The following TPPP variants were observed in gnomAD, a reference collection of about 807,000 sequenced individuals.
TPPP encodes the protein tubulin polymerization promoting protein.
A neutral mutation model predicts 15.5 loss-of-function variants in TPPP; 6 were observed. That is an observed-to-expected ratio of 0.39 (90% confidence interval 0.21 to 0.77). The LOEUF is 0.77. TPPP is among the 30% of genes least tolerant of loss of function. TPPP has a pLI of 0.42. For synonymous variants in TPPP, 146 were observed against 133.9 expected (o/e 1.09, Z -0.63); for missense variants, 269 against 307.2 (o/e 0.88, Z 0.93).
chr5:669,227 G>T (rs546612102), intron 2 of TPPP, among the ~76,000 whole-genome samples: 1 of 152,280 alleles, frequency 6.6e-6, no homozygotes, highest in Admixed American at 6.5e-5. Context: ...TTCCAGACCC[G>T]CCGGCCATAG....
intron 1 of TPPP, among the ~76,000 whole-genome samples, chr5:681,786 A>G (rs1342136280): frequency 1.3e-5 from 2 of 152,180 alleles, no homozygotes; most frequent in African/African-American, 2.4e-5. Flanking sequence ...AAGGCTTGGA[A>G]AGGACAGAAG....
At position 663,265 on chromosome 5, in the gene TPPP, G is replaced by T. The variant is rs956389346; in HGVS notation, c.*1837C>A. On this transcript the variant is annotated 3_prime_UTR_variant, in exon 4 of 4. Transcript: ENST00000360578. ...GAGTTGTTTTCAAATGTTTCCGCAC[G>T]TTAGTTCTGCCTTTCACACGCGGTC... The T allele has an allele frequency of 6.6e-6, 1 of 152,404 alleles. No individual in the cohort carries two copies. The highest frequency in any genetic ancestry group is 1.5e-5 in the Non-Finnish European group (1 of 68,078). The allele number at this position is 152,404 out of a possible 1,614,324, so 9.4% of individuals were successfully genotyped here.
intron 2 of TPPP, among the ~76,000 whole-genome samples, chr5:672,632 C>A (rs563881221): frequency 6.6e-6 from 1 of 152,350 alleles, no homozygotes; most frequent in Non-Finnish European, 1.5e-5. Flanking sequence ...GAGCCTGACC[C>A]CAGGGGTCCT....
intron 2 of TPPP, chr5:666,961 A>G (rs1362008734): frequency 6.6e-6 from 1 of 152,332 alleles, no homozygotes; most frequent in East Asian, 1.9e-4. Context: ...GCATTTCACC[A>G]GGGAAGCCTC....
intron 1 of TPPP, 138 bp from the exon 2 acceptor site, chr5:678,202 G>A (rs1740517024): frequency 1.2e-6 from 1 of 813,836 alleles, no homozygotes; most frequent in Non-Finnish European, 1.9e-6. Flanking sequence ...CTGGGGCTGG[G>A]CGTGAGGCCC....
At chr5:667,005 C>T (rs1739943783) in intron 2 of TPPP, 1 of 152,200 alleles carries the variant, frequency 6.6e-6, no homozygotes, top group East Asian at 1.9e-4. Flanking sequence ...CCCAGCAGGC[C>T]AAGCATTCCG....
chr5:673,078 C>T (rs767049310), intron 2 of TPPP, among the ~76,000 whole-genome samples: 7 of 152,202 alleles, frequency 4.6e-5, no homozygotes, highest in South Asian at 4.1e-4. Flanking sequence ...GCCACTTCCT[C>T]ACGGTCCCCA....
chr5:683,707 G>A (rs114126299), intron 1 of TPPP, among the ~76,000 whole-genome samples: 1,523 of 152,384 alleles, frequency 1.0e-2, no homozygotes, highest in South Asian at 0.022. Flanking sequence ...TGTGTTGCAA[G>A]CTGATTGGGA....
chr5:669,977 T>G (rs549484931), intron 2 of TPPP, among the ~76,000 whole-genome samples: 4 of 145,702 alleles, frequency 2.7e-5, no homozygotes, highest in African/African-American at 1.0e-4. Context: ...TTGCCCATGC[T>G]CTCCCCAGCC....
intron 2 of TPPP, among the ~76,000 whole-genome samples, chr5:669,326 C>T (rs946073677): frequency 6.6e-5 from 10 of 151,810 alleles, no homozygotes; most frequent in African/African-American, 1.2e-4. Context: ...CGTGGGGGTC[C>T]GCGGTGTTGG....
intron 2 of TPPP, among the ~76,000 whole-genome samples, chr5:669,463 G>A (rs1197009235): frequency 1.3e-5 from 2 of 152,152 alleles, no homozygotes; most frequent in Non-Finnish European, 2.9e-5. Flanking sequence ...GGCCCTGTGG[G>A]GGTGTTGACT....
chr5:673,448 C>T (rs1259387209), intron 2 of TPPP, among the ~76,000 whole-genome samples: 1 of 151,942 alleles, frequency 6.6e-6, no homozygotes, highest in Non-Finnish European at 1.5e-5. Context: ...GGGTCCATGG[C>T]TGCAGGTGAA....
At chr5:696,423 C>T (rs568818112), upstream of TPPP, among the ~76,000 whole-genome samples, 183 of 145,534 alleles carry the variant, frequency 1.3e-3, no homozygotes, top group African/African-American at 4.2e-3. Context: ...GTCCACCCAC[C>T]CCTGGCAGCT....
intron 1 of TPPP, chr5:692,726 G>A (rs1740924914): frequency 2.0e-6 from 2 of 981,720 alleles, no homozygotes; most frequent in Admixed American, 6.3e-5. Flanking sequence ...TCTGCGGGGG[G>A]CGGTCTGACA....
chr5:679,734 C>T (rs567072487), intron 1 of TPPP, among the ~76,000 whole-genome samples: 635 of 152,128 alleles, frequency 4.2e-3, no homozygotes, highest in Non-Finnish European at 7.0e-3. Context: ...TGTGGGGACG[C>T]GCCTGAACAG....
chr5:665,945 C>G, intron 3 of TPPP, 25 bp downstream of exon 3: 44 of 1,507,676 alleles, frequency 2.9e-5, no homozygotes, highest in Non-Finnish European at 3.8e-5. Flanking sequence ...CTCCAGGCCC[C>G]GCCTTCCATC....
intron 1 of TPPP, among the ~76,000 whole-genome samples, chr5:683,776 G>A (rs575813319): frequency 3.7e-4 from 56 of 152,394 alleles, no homozygotes; most frequent in African/African-American, 1.3e-3. Flanking sequence ...CTCTCAGCTG[G>A]CGACAGGAGC....
chr5:672,084 C>T (rs1740242228), intron 2 of TPPP, among the ~76,000 whole-genome samples: 1 of 152,252 alleles, frequency 6.6e-6, no homozygotes, highest in Non-Finnish European at 1.5e-5. Flanking sequence ...CTCTCCAAAC[C>T]TGGGTCCTGC....
At position 660,798 on chromosome 5, in the gene TPPP, G is replaced by C. The variant is rs1209841804; in HGVS notation, c.*4304C>G. 6.6e-6 allele frequency: 1 copy of C among 152,336 alleles called. No individual in the cohort carries two copies. Among genetic ancestry groups the C allele is most frequent in the Admixed American group, 6.5e-5 (1 of 15,292 alleles). 9.4% of individuals were successfully genotyped at this position (152,336 alleles called of 1,614,324 possible). ...CGCAGCAGCCCAGGATGGGGGCTGG[G>C]GTAGGAGGTGATGCCCACGCAGGGC... On this transcript the variant is annotated 3_prime_UTR_variant, in exon 4 of 4. Transcript: ENST00000360578.
Sources: allele counts gnomAD v4.1 joint callset (sites outside exome capture counted in the v4.1 genomes callset), GRCh38; gene constraint gnomAD v4.1.1; transcripts MANE v1.5; gene names NCBI Gene and HGNC (gene_info 2026-07-23, HGNC 2026-07-21).